The following AHNAK variants were observed in gnomAD, a reference collection of about 807,000 sequenced individuals.
AHNAK encodes AHNAK nucleoprotein.
AHNAK carries 23 observed loss-of-function variants against 37.8 expected under a neutral mutation model. The ratio of observed to expected loss-of-function variants is 0.61; its 90% CI spans 0.44 to 0.86. The LOEUF (loss-of-function observed/expected upper bound fraction) is 0.86, where lower values mean the gene tolerates loss of function less well. AHNAK is among the 40% of genes least tolerant of loss of function. AHNAK has a pLI of 0.00. For missense variants in AHNAK, 7,411 were observed against 7,319.4 expected (o/e 1.01, Z -0.46); for synonymous variants, 2,481 against 2,636.3 (o/e 0.94, Z 1.80).
intron 5 of AHNAK, among the ~76,000 whole-genome samples, chr11:62,478,275 C>T (rs529104474): frequency 1.3e-5 from 2 of 152,350 alleles, no homozygotes; most frequent in East Asian, 3.9e-4. Flanking sequence ...GGCTGAGCCC[C>T]TGAGGTCTTT....
Position 62,526,937 on chromosome 11 carries a change from C to T in AHNAK, c.7480G>A (p.Val2494Ile). 3 of 1,614,220 alleles carry T rather than the reference C, an allele frequency of 1.9e-6. No homozygotes were observed. Among genetic ancestry groups the T allele is most frequent in the Non-Finnish European group, 2.5e-6 (3 of 1,180,046 alleles). ...TGGACATCGGGGGCATTTACATCAA[C>T]TTTGGGGCCCCTGATGTTCATATCT... ...VPDMNIRGPK[V>I]DVNAPDVQAP... Residue 2494 changes from valine (V) to isoleucine (I), a missense_variant, in exon 5 of 5, where the codon GTT (valine) becomes ATT (isoleucine). Physicochemically the swap from Val to Ile is conservative, Grantham distance 29. Coordinates refer to ENST00000378024, the MANE Select transcript of AHNAK (RefSeq NM_001620.3).
chr11:62,513,146 T>G (rs1156602394), downstream of AHNAK, among the ~76,000 whole-genome samples: 2 of 152,008 alleles, frequency 1.3e-5, no homozygotes, highest in Non-Finnish European at 2.9e-5. Context: ...CATCACAGAG[T>G]CCAGCCCCTT....
chr11:62,529,704 G>A lies in AHNAK; in HGVS notation c.4713C>T (p.Ser1571=). The change falls in exon 5 of 5, where the codon AGC becomes AGT. Residue 1571 remains serine (S), a synonymous_variant. Coordinates refer to ENST00000378024, the MANE Select transcript of AHNAK (RefSeq NM_001620.3). ...AGATTTTGTGCGTCTGTATATTCATGCTTGGCATCTTGAACTTAGGGCCTT... is the reference window on the plus strand; with the variant it reads ...AGATTTTGTGCGTCTGTATATTCATACTTGGCATCTTGAACTTAGGGCCTT... ...KLKGPKFKMP[S]MNIQTHKISM... The A allele has an allele frequency of 6.2e-7, 1 of 1,613,998 alleles. No homozygotes were observed. The highest frequency in any genetic ancestry group is 1.1e-5 in the South Asian group (1 of 91,040).
Position 62,523,077 on chromosome 11 carries a change from G to A in AHNAK, c.11340C>T (p.Asp3780=), listed in dbSNP as rs143731147. 6.8e-6 allele frequency: 11 copies of A among 1,613,796 alleles called. No homozygotes were observed. The highest frequency in any genetic ancestry group is 1.1e-5 in the South Asian group (1 of 91,076). The part of the protein sequence containing the change: ...MEGDLKGPEV[D]IKGPKVDINA... Reference sequence around the variant, plus strand: ...TAATGTCCACTTTGGGGCCCTTGATGTCAACTTCAGGACCCTTGAGGTCAC... The same window carrying A: ...TAATGTCCACTTTGGGGCCCTTGATATCAACTTCAGGACCCTTGAGGTCAC... Residue 3780 remains aspartate, a synonymous_variant, in exon 5 of 5, where the codon GAC becomes GAT. Coordinates refer to ENST00000378024, the MANE Select transcript of AHNAK (RefSeq NM_001620.3).
chr11:62,496,955 G>A (rs907269937), intron 4 of AHNAK, among the ~76,000 whole-genome samples: 1 of 152,198 alleles, frequency 6.6e-6, no homozygotes, highest in African/African-American at 2.4e-5. Context: ...ACATTAAGGT[G>A]TGGGTGGGAG....
At position 62,520,554 on chromosome 11, in the gene AHNAK, G is replaced by T. The variant is rs148835679; in HGVS notation, c.13863C>A (p.Asp4621Glu). 1.6e-5 allele frequency: 26 copies of T among 1,614,060 alleles called. No homozygotes were observed. The African/African-American group carries it at 2.7e-4, about 17-fold the overall frequency. ...TGATGTCAACTTCGGGGCCCTTGAG[G>T]TCGCCTTCCACTTTGGGCAGAGAAA... ...MDISLPKVEG[D>E]LKGPEVDIRD... Residue 4621 changes from aspartate (D) to glutamate (E), a missense_variant, in exon 5 of 5, where the codon GAC becomes GAA. Asp to Glu is a conservative substitution (Grantham distance 45, BLOSUM62 2). Coordinates refer to ENST00000378024, the MANE Select transcript of AHNAK (RefSeq NM_001620.3).
Position 62,518,206 on chromosome 11 carries a change from G to A in AHNAK, c.16211C>T (p.Pro5404Leu). The A allele has an allele frequency of 6.2e-7, 1 of 1,614,176 alleles. No homozygotes were observed. The highest frequency in any genetic ancestry group is 8.5e-7 in the Non-Finnish European group (1 of 1,180,036). The change falls in exon 5 of 5, where the codon CCC (proline) becomes CTC (leucine). Residue 5404 changes from proline (P) to leucine (L), a missense_variant. Pro to Leu is a moderately conservative substitution (Grantham distance 98). Coordinates refer to ENST00000378024, the MANE Select transcript of AHNAK (RefSeq NM_001620.3). ...LEASEGSIKL[P>L]KMKLPQFGIS... ...GCCAAATTGGGGCAGCTTCATTTTGGGAAGTTTAATGCTGCCTTCGGATGC... is the reference window on the plus strand; with the variant it reads ...GCCAAATTGGGGCAGCTTCATTTTGAGAAGTTTAATGCTGCCTTCGGATGC...
chr11:62,530,851 T>C lies in AHNAK; in HGVS notation c.3566A>G (p.His1189Arg). Reference protein sequence around the residue: ...KGPKFKMPEMHFKTPKISMPD... With the variant: ...KGPKFKMPEMRFKTPKISMPD... ...CATGGAGATCTTGGGGGTCTTGAAA[T>C]GCATCTCAGGCATCTTAAACTTGGG... The change falls in exon 5 of 5, where the codon CAT becomes CGT. Residue 1189 changes from histidine to arginine, a missense_variant. Physicochemically the swap from His to Arg is conservative, Grantham distance 29. Transcript: ENST00000378024. 1 of 1,613,970 alleles carries C rather than the reference T, an allele frequency of 6.2e-7. No individual in the cohort carries two copies. Among genetic ancestry groups the C allele is most frequent in the Non-Finnish European group, 8.5e-7 (1 of 1,179,992 alleles).
chr11:62,520,477 T>A lies in AHNAK; in HGVS notation c.13940A>T (p.Asp4647Val). ...DVPDVDVQGP[D>V]WHLKMPKVKM... ...CACTTTGGGCATTTTTAGGTGCCAGTCTGGGCCTTGAACGTCCACATCTGG... is the reference window on the plus strand; with the variant it reads ...CACTTTGGGCATTTTTAGGTGCCAGACTGGGCCTTGAACGTCCACATCTGG... Residue 4647 changes from aspartate to valine, a missense_variant, in exon 5 of 5, where the codon GAC (aspartate) becomes GTC (valine). Coordinates refer to ENST00000378024, the MANE Select transcript of AHNAK (RefSeq NM_001620.3). 1.2e-6 allele frequency: 2 copies of A among 1,614,158 alleles called. No homozygotes were observed. The highest frequency in any genetic ancestry group is 1.7e-6 in the Non-Finnish European group (2 of 1,180,042).
intron 5 of AHNAK, among the ~76,000 whole-genome samples, chr11:62,465,237 G>T (rs1415131102): frequency 1.3e-5 from 2 of 152,048 alleles, no homozygotes; most frequent in Non-Finnish European, 2.9e-5. Context: ...TCCCCCCCTC[G>T]AAAGATATGT....
At position 62,521,371 on chromosome 11, in the gene AHNAK, C is replaced by A. The variant is rs771386221; in HGVS notation, c.13046G>T (p.Gly4349Val). Residue 4349 changes from glycine to valine, a missense_variant, in exon 5 of 5, where the codon GGC (glycine) becomes GTC (valine). By Grantham distance (109) the Gly-to-Val change is moderately radical. Coordinates refer to ENST00000378024, the MANE Select transcript of AHNAK (RefSeq NM_001620.3). ...AGGGGCATCAATGTCCACTTTGGGG[C>A]CAGAAATCTCAATGTCAGCCTTAGG... ...TLPKADIEIS[G>V]PKVDIDAPDV... 6.2e-7 allele frequency: 1 copy of A among 1,613,828 alleles called. No homozygotes were observed. Among genetic ancestry groups the A allele is most frequent in the Non-Finnish European group, 8.5e-7 (1 of 1,179,978 alleles).
Position 62,469,414 on chromosome 11 carries a change from G to A in AHNAK, c.442+22318C>T, listed in dbSNP as rs138346804. On this transcript the variant is annotated intron_variant, in intron 5 of 5. Coordinates refer to the AHNAK transcript ENST00000257247. ...TGGGATTACAGGCGTGAACTACTGC[G>A]TCCAGCCCCAATTAGGATCTTTAAC... is the stretch of plus-strand genomic sequence containing the variant. Among the ~76,000 whole-genome samples the A allele has an allele frequency of 4.6e-5, 7 of 151,484 alleles. No homozygotes were observed. In the East Asian group the frequency reaches 1.2e-3, roughly 25 times the overall value.
chr11:62,505,892 G>A (rs1004760792), intron 4 of AHNAK, among the ~76,000 whole-genome samples: 3 of 151,530 alleles, frequency 2.0e-5, no homozygotes, highest in Non-Finnish European at 2.9e-5. Flanking sequence ...CCGGAATGAA[G>A]AGCAAGCGGT....
At position 62,520,126 on chromosome 11, in the gene AHNAK, A is replaced by C; in HGVS notation, c.14291T>G (p.Ile4764Ser). 1 of 1,612,384 alleles carries C rather than the reference A, an allele frequency of 6.2e-7. No individual in the cohort carries two copies. Among genetic ancestry groups the C allele is most frequent in the Non-Finnish European group, 8.5e-7 (1 of 1,179,644 alleles). ...EADIKGPKVD[I>S]NTPDVDVHGP... ...ATGAACATCCACATCAGGGGTGTTG[A>C]TGTCCACTTTTGGGCCCTTGATGTC... Residue 4764 changes from isoleucine (I) to serine (S), a missense_variant, in exon 5 of 5, where the codon ATC (isoleucine) becomes AGC (serine). Coordinates refer to ENST00000378024, the MANE Select transcript of AHNAK (RefSeq NM_001620.3).
At chr11:62,440,595 G>A (rs556358044) in intron 5 of AHNAK, among the ~76,000 whole-genome samples, 5 of 152,144 alleles carry the variant, frequency 3.3e-5, no homozygotes, top group East Asian at 1.9e-4. Flanking sequence ...TCATGATGAC[G>A]CCTGTCATGA....
intron 1 of AHNAK, among the ~76,000 whole-genome samples, chr11:62,543,213 C>T (rs768325524): frequency 2.9e-4 from 44 of 152,248 alleles, no homozygotes; most frequent in Non-Finnish European, 5.9e-4. Context: ...TGGACACAAA[C>T]TGCGCGTGCG....
In AHNAK at chr11:62,546,412, T is replaced by G. The variant is rs117843759; in HGVS notation, c.-100+248A>C. Among the ~76,000 whole-genome samples the G allele has an allele frequency of 5.2e-4, 79 of 152,094 alleles. 1 individual carries two copies. In the East Asian group the frequency reaches 0.014, roughly 27 times the overall value. ...GTCCGCCCTCCGGAGAAATAAAGAG[T>G]GGAGCAAAGCACTTCGGAGCGATTT... On this transcript the variant is annotated intron_variant, in intron 1 of 4. Coordinates refer to ENST00000378024, the MANE Select transcript of AHNAK (RefSeq NM_001620.3).
chr11:62,480,755 G>A (rs1219495029), intron 5 of AHNAK, among the ~76,000 whole-genome samples: 1 of 149,148 alleles, frequency 6.7e-6, no homozygotes, highest in African/African-American at 2.5e-5. Context: ...CCCCAAACAG[G>A]GCCTTCCTTC....
At position 62,516,260 on chromosome 11, in the gene AHNAK, G is replaced by A. The variant is rs569529663; in HGVS notation, c.*484C>T. The stretch of plus-strand genomic sequence containing the variant: ...TACCACCACCTCTGGGCCATCTGTG[G>A]GCGTTTGCTGTTTGAACAGATCCAG... On this transcript the variant is annotated 3_prime_UTR_variant, in exon 5 of 5. Coordinates refer to ENST00000378024, the MANE Select transcript of AHNAK (RefSeq NM_001620.3). The A allele has an allele frequency of 7.8e-7, 1 of 1,289,146 alleles. No homozygotes were observed. Among genetic ancestry groups the A allele is most frequent in the East Asian group, 5.6e-5 (1 of 18,018 alleles). 79.9% of individuals were successfully genotyped at this position (1,289,146 alleles called of 1,614,324 possible). A position where few individuals can be genotyped will look rare whatever the true frequency, so the allele number is the denominator to read the frequency against.
Sources: allele counts gnomAD v4.1 joint callset (sites outside exome capture counted in the v4.1 genomes callset), GRCh38; gene constraint gnomAD v4.1.1; transcripts MANE v1.5; gene names NCBI Gene and HGNC (gene_info 2026-07-23, HGNC 2026-07-21).